CNTNAP2: variants seen among roughly 807,000 people sequenced by gnomAD.
CNTNAP2 encodes the protein contactin-associated protein-like 2.
In CNTNAP2, 98 loss-of-function variants were observed where a neutral mutation model predicts 155.2. The observed-to-expected ratio is 0.63, with a 90% confidence interval of 0.54 to 0.75. The LOEUF is 0.75. Among genes scored for constraint, CNTNAP2 ranks in the 30% least tolerant of loss-of-function variants. The pLI is 0.00. For missense variants in CNTNAP2, 1,727 were observed against 1,688.1 expected, an observed-to-expected ratio of 1.02 and a Z score of -0.40; for synonymous variants, 651 against 631.2, an observed-to-expected ratio of 1.03 and a Z score of -0.47.
At chr7:147,686,616 G>A (rs1327222023) in intron 13 of CNTNAP2, among the ~76,000 whole-genome samples, 6 of 151,968 alleles carry the variant, frequency 3.9e-5, no homozygotes, top group Non-Finnish European at 5.9e-5. Flanking sequence ...AAGACTCATA[G>A]TTTGTAGAGA....
chr7:146,895,183 C>T (rs1795849465), intron 3 of CNTNAP2, among the ~76,000 whole-genome samples: 3 of 149,116 alleles, frequency 2.0e-5, no homozygotes, highest in East Asian at 1.9e-4. Context: ...CCTTCTTTCC[C>T]TCCCTTCCTA....
At chr7:147,712,764 G>A (rs1796418385) in intron 13 of CNTNAP2, among the ~76,000 whole-genome samples, 1 of 152,160 alleles carries the variant, frequency 6.6e-6, no homozygotes, top group Non-Finnish European at 1.5e-5. Context: ...GGAGGAGGGA[G>A]GGATAGCATT....
At chr7:146,166,373 G>A (rs1055921964) in intron 1 of CNTNAP2, among the ~76,000 whole-genome samples, 18 of 152,076 alleles carry the variant, frequency 1.2e-4, no homozygotes, top group African/African-American at 2.2e-4. Flanking sequence ...GATTACAGGC[G>A]TGAGCCACCA....
intron 3 of CNTNAP2, among the ~76,000 whole-genome samples, chr7:146,932,894 C>T (rs1410961254): frequency 2.0e-5 from 3 of 152,052 alleles, no homozygotes; most frequent in Admixed American, 6.6e-5. Context: ...TGTGAAGGAC[C>T]TCTTCAAGGA....
rs549196423 is a variant in CNTNAP2, at chr7:146,200,082, A to G, written c.97+83109A>G. On this transcript the variant is annotated intron_variant, in intron 1 of 23. Coordinates refer to ENST00000361727, the MANE Select transcript of CNTNAP2 (RefSeq NM_014141.6). ...AGAATCTGTCTAAAATATTCACATG[A>G]TAACTGTTTTCTTTTTCCAAGACTA... Among the ~76,000 whole-genome samples the G allele has an allele frequency of 8.5e-5, 13 of 152,298 alleles. No homozygotes were observed. In the East Asian group the frequency reaches 2.5e-3, roughly 29 times the overall value.
At chr7:146,566,464 C>A (rs1798357895) in intron 1 of CNTNAP2, among the ~76,000 whole-genome samples, 1 of 152,076 alleles carries the variant, frequency 6.6e-6, no homozygotes, top group South Asian at 2.1e-4. Flanking sequence ...ATATTTACCA[C>A]TTTGGGAGGC....
chr7:146,921,348 G>A (rs1796493697), intron 3 of CNTNAP2, among the ~76,000 whole-genome samples: 1 of 152,186 alleles, frequency 6.6e-6, no homozygotes, highest in African/African-American at 2.4e-5. Flanking sequence ...CTTGAGATGC[G>A]AATGATGAAT....
chr7:146,278,507 T>TA (rs1287351058), intron 1 of CNTNAP2, among the ~76,000 whole-genome samples: 2 of 152,034 alleles, frequency 1.3e-5, no homozygotes, highest in African/African-American at 4.8e-5. Context: ...TCCCACTCAC[T>TA]AAAAAAATGA....
At chr7:147,383,613 C>T (rs116966022) in intron 9 of CNTNAP2, among the ~76,000 whole-genome samples, 4 of 151,926 alleles carry the variant, frequency 2.6e-5, no homozygotes, top group African/African-American at 7.3e-5. Flanking sequence ...CGCACCGGGG[C>T]CTGTCGGGGT....
intron 1 of CNTNAP2, among the ~76,000 whole-genome samples, chr7:146,389,626 C>T (rs1795510350): frequency 6.6e-6 from 1 of 150,852 alleles, no homozygotes; most frequent in African/African-American, 2.4e-5. Context: ...TATTTTTATA[C>T]ATGTAACATT....
intron 11 of CNTNAP2, among the ~76,000 whole-genome samples, chr7:147,495,814 T>C (rs1798697427): frequency 6.6e-6 from 1 of 152,180 alleles, no homozygotes; most frequent in South Asian, 2.1e-4. Context: ...CAATACCAGT[T>C]TGTGGCCTTT....
At chr7:147,004,975 A>G (rs929100665) in intron 3 of CNTNAP2, among the ~76,000 whole-genome samples, 2 of 152,120 alleles carry the variant, frequency 1.3e-5, no homozygotes, top group African/African-American at 4.8e-5. Context: ...TTTTATGTGT[A>G]TTTAAATAAT....
intron 1 of CNTNAP2, among the ~76,000 whole-genome samples, chr7:146,612,467 T>C: frequency 6.6e-6 from 1 of 152,116 alleles, no homozygotes. Context: ...CTGCCAATGG[T>C]TTAATATAAG....
At chr7:147,074,499 C>T (rs372155119) in intron 4 of CNTNAP2, among the ~76,000 whole-genome samples, 7 of 152,158 alleles carry the variant, frequency 4.6e-5, no homozygotes, top group Middle Eastern at 3.4e-3. Context: ...TGACAGTAGC[C>T]GCATCATGGA....
intron 2 of CNTNAP2, among the ~76,000 whole-genome samples, chr7:146,812,801 G>C (rs542358912): frequency 6.6e-6 from 1 of 152,318 alleles, no homozygotes; most frequent in Admixed American, 6.5e-5. Context: ...CAGAGGCCTA[G>C]AAGGGAAATA....
intron 3 of CNTNAP2, among the ~76,000 whole-genome samples, chr7:146,968,206 G>T (rs1344942858): frequency 1.5e-4 from 23 of 151,870 alleles, no homozygotes; most frequent in Admixed American, 2.6e-4. Context: ...GCTGGATTCG[G>T]TTTGCCAGTA....
chr7:147,612,855 CAT>C (rs564666465), intron 12 of CNTNAP2, among the ~76,000 whole-genome samples: 1 of 152,152 alleles, frequency 6.6e-6, no homozygotes, highest in East Asian at 1.9e-4. Flanking sequence ...GAAATTCACT[CAT>C]GTTTCATAAA....
intron 3 of CNTNAP2, among the ~76,000 whole-genome samples, chr7:146,941,707 T>C (rs966157054): frequency 1.3e-5 from 2 of 152,112 alleles, no homozygotes; most frequent in Non-Finnish European, 2.9e-5. Flanking sequence ...GCTTTGTTTG[T>C]CTAGAAAAGT....
At chr7:147,317,763 T>G (rs868617882) in intron 9 of CNTNAP2, among the ~76,000 whole-genome samples, 2 of 107,522 alleles carry the variant, frequency 1.9e-5, no homozygotes, top group African/African-American at 8.6e-5. Context: ...AAAAAAAGGA[T>G]ATATATATAT....
Sources: gnomAD v4.1 joint callset for allele counts (sites outside exome capture counted in the v4.1 genomes callset) on GRCh38, gnomAD v4.1.1 for gene constraint, MANE v1.5 for transcripts, NCBI Gene and HGNC (gene_info 2026-07-23, HGNC 2026-07-21) for gene names.